The following CENPK variants were observed in gnomAD, a reference collection of about 807,000 sequenced individuals.
CENPK encodes centromere protein K, also known as SoxLZ/Sox6-binding protein Solt.
In CENPK, 46 loss-of-function variants were observed where a neutral mutation model predicts 40.9. That is an observed-to-expected ratio of 1.13 (90% CI 0.89 to 1.44). The LOEUF is 1.44. CENPK is among the 40% of genes most tolerant of loss of function. The pLI, the probability that CENPK is intolerant of heterozygous loss-of-function variation, is 0.00. For synonymous variants in CENPK, 107 were observed against 104.4 expected (o/e 1.02, Z -0.15); for missense variants, 288 against 303.5 (o/e 0.95, Z 0.38).
chr5:65,526,186 A>G (rs920629585), intron 9 of CENPK, among the ~76,000 whole-genome samples: 1 of 152,090 alleles, frequency 6.6e-6, no homozygotes. Context: ...CTATTAGTGG[A>G]GCAACAGCAA....
Position 65,550,105 on chromosome 5 carries a change from C to T in CENPK, c.241+1459G>A, listed in dbSNP as rs146512523. Among the ~76,000 whole-genome samples, 5 of 146,052 alleles carry T rather than the reference C, an allele frequency of 3.4e-5. No individual in the cohort carries two copies. In the East Asian group the frequency reaches 1.0e-3, roughly 29 times the overall value. ...ATCACTTGAACCCAGGAGGCAGAGACTGCACTGAGCCGAGATCACACCACT... is the reference window on the plus strand; with the variant it reads ...ATCACTTGAACCCAGGAGGCAGAGATTGCACTGAGCCGAGATCACACCACT... On this transcript the variant is annotated intron_variant, in intron 5 of 10. Transcript: ENST00000396679.
Position 65,517,783 on chromosome 5 carries a change from AATTTT to A in CENPK, c.*687_*691del, listed in dbSNP as rs1421192369. 1 of 152,136 alleles carries A rather than the reference AATTTT, an allele frequency of 6.6e-6. No homozygotes were observed. Among genetic ancestry groups the A allele is most frequent in the Non-Finnish European group, 1.5e-5 (1 of 67,990 alleles). The allele number at this position is 152,136 out of a possible 1,614,324, so 9.4% of individuals were successfully genotyped here. A position where few individuals can be genotyped will look rare whatever the true frequency, so the allele number is the denominator to read the frequency against. ...CTAATAGCTAGAGATTTTCAGAAAT[AATTTT>A]ATTTACAGAAAATTCACAGAGGATT... On this transcript the variant is annotated 3_prime_UTR_variant, in exon 11 of 11. Transcript: ENST00000396679.
At chr5:65,524,919 G>A (rs1418069585) in intron 9 of CENPK, among the ~76,000 whole-genome samples, 3 of 152,158 alleles carry the variant, frequency 2.0e-5, no homozygotes, top group Non-Finnish European at 4.4e-5. Context: ...TAAACAAACT[G>A]TAATTAAATT....
intron 5 of CENPK, among the ~76,000 whole-genome samples, chr5:65,544,844 T>C (rs966405476): frequency 6.6e-6 from 1 of 152,008 alleles, no homozygotes. Flanking sequence ...TAATAGAAAG[T>C]AGAATTGAGG....
chr5:65,507,558 A>T, the CENPK span, among the ~76,000 whole-genome samples: 1 of 151,772 alleles, frequency 6.6e-6, no homozygotes, highest in Non-Finnish European at 1.5e-5. Context: ...TTATTCTCTT[A>T]CTCCCACTCT....
intron 2 of CENPK, among the ~76,000 whole-genome samples, chr5:65,559,485 C>T (rs979006832): frequency 3.3e-5 from 5 of 151,318 alleles, no homozygotes; most frequent in Admixed American, 6.6e-5. Flanking sequence ...AAAAATTAGC[C>T]GGGCGTAGTG....
At chr5:65,518,770 T>C (rs1743174557) in intron 10 of CENPK, 137 bp from the exon 11 acceptor site, 1 of 575,946 alleles carries the variant, frequency 1.7e-6, no homozygotes, top group African/African-American at 1.9e-5. Context: ...CAAATTTGAA[T>C]TTCCTTTTTG....
At chr5:65,502,871 G>A in the CENPK span, among the ~76,000 whole-genome samples, 1 of 151,884 alleles carries the variant, frequency 6.6e-6, no homozygotes, top group African/African-American at 2.4e-5. Flanking sequence ...AGTGGTGCAA[G>A]CTCGGCTCAC....
At chr5:65,554,262 C>T (rs996861818) in intron 3 of CENPK, among the ~76,000 whole-genome samples, 9 of 152,248 alleles carry the variant, frequency 5.9e-5, no homozygotes, top group African/African-American at 1.9e-4. Context: ...CTGTCTCAGC[C>T]TGTCTTAGCC....
chr5:65,555,020 G>C, intron 2 of CENPK, 74 bp from the exon 3 acceptor site: 1 of 716,160 alleles, frequency 1.4e-6, no homozygotes, highest in Non-Finnish European at 2.5e-6. Context: ...TCATCTAGGG[G>C]GTAAGAATAT....
the CENPK span, among the ~76,000 whole-genome samples, chr5:65,496,811 T>C: frequency 3.9e-5 from 6 of 152,248 alleles, no homozygotes; most frequent in African/African-American, 1.2e-4. Flanking sequence ...CCCAGCACTT[T>C]GGGACGCCGA....
chr5:65,554,921 G>A lies in CENPK; in HGVS notation c.-14C>T. 1 of 1,464,082 alleles carries A rather than the reference G, an allele frequency of 6.8e-7. No individual in the cohort carries two copies. Among genetic ancestry groups the A allele is most frequent in the Non-Finnish European group, 9.5e-7 (1 of 1,051,372 alleles). 90.7% of individuals were successfully genotyped at this position (1,464,082 alleles called of 1,614,324 possible). ...CTCCTGATTCATTGATATATGCTTT[G>A]TGAATTTTTAGCCTTATAAGAAAAA... On this transcript the variant is annotated 5_prime_UTR_variant, in exon 3 of 11. Coordinates refer to ENST00000396679, the MANE Select transcript of CENPK (RefSeq NM_022145.5).
At chr5:65,541,399 C>G (rs1037286353) in intron 6 of CENPK, 1 of 456,162 alleles carries the variant, frequency 2.2e-6, no homozygotes, top group Non-Finnish European at 4.4e-6. Flanking sequence ...AAGAGGACAC[C>G]CAACTGGTTT....
intron 8 of CENPK, 149 bp downstream of exon 8, chr5:65,528,770 C>T (rs1745199833): frequency 1.1e-6 from 1 of 910,870 alleles, no homozygotes; most frequent in Non-Finnish European, 1.6e-6. Flanking sequence ...GTCAAGTCAC[C>T]CATAAAAGAT....
chr5:65,545,344 A>G (rs1465597463), intron 5 of CENPK, among the ~76,000 whole-genome samples: 7 of 73,276 alleles, frequency 9.6e-5, no homozygotes, highest in East Asian at 7.5e-4. Context: ...ACACACACAC[A>G]CACACACACA....
intron 6 of CENPK, among the ~76,000 whole-genome samples, chr5:65,533,693 T>A (rs1746319982): frequency 6.6e-6 from 1 of 152,146 alleles, no homozygotes; most frequent in Admixed American, 6.5e-5. Flanking sequence ...GTTCACTGGA[T>A]ACAAAATCAA....
At chr5:65,547,662 G>A (rs1029771065) in intron 5 of CENPK, among the ~76,000 whole-genome samples, 38 of 152,128 alleles carry the variant, frequency 2.5e-4, no homozygotes, top group Admixed American at 1.3e-3. Context: ...ATTGCTCCTT[G>A]GGGAATTTCT....
chr5:65,507,938 A>G, the CENPK span, among the ~76,000 whole-genome samples: 1 of 152,250 alleles, frequency 6.6e-6, no homozygotes, highest in Non-Finnish European at 1.5e-5. Flanking sequence ...CTTCATTCAC[A>G]TTTGTCTGAC....
intron 9 of CENPK, among the ~76,000 whole-genome samples, chr5:65,527,873 G>C (rs961517479): frequency 5.9e-5 from 9 of 152,006 alleles, no homozygotes; most frequent in Admixed American, 4.6e-4. Context: ...TAACTTCTTT[G>C]AAGGTGTTCA....
Sources: gnomAD v4.1 joint callset for allele counts (sites outside exome capture counted in the v4.1 genomes callset) on GRCh38, gnomAD v4.1.1 for gene constraint, MANE v1.5 for transcripts, NCBI Gene and HGNC (gene_info 2026-07-23, HGNC 2026-07-21) for gene names.